LARS2: variants seen among roughly 807,000 people sequenced by gnomAD.
LARS2 encodes the protein leucine--tRNA ligase, mitochondrial.
In LARS2, 81 loss-of-function variants were observed where a neutral mutation model predicts 116.6. The ratio of observed to expected loss-of-function variants is 0.69; its 90% CI spans 0.58 to 0.84. The LOEUF is 0.84. Ranked by LOEUF, LARS2 falls within the 40% of genes least tolerant of loss-of-function variation. The probability of loss-of-function intolerance (pLI) is 0.00; values close to 1 mark genes in which losing one functional copy is unlikely to be tolerated. For missense variants in LARS2, 968 were observed against 1,114.5 expected (o/e 0.87, Z 1.87); for synonymous variants, 396 against 407.2 (o/e 0.97, Z 0.33).
At chr3:45,487,516 C>T (rs1455940372) in intron 11 of LARS2, among the ~76,000 whole-genome samples, 1 of 152,182 alleles carries the variant, frequency 6.6e-6, no homozygotes, top group Non-Finnish European at 1.5e-5. Flanking sequence ...TCAGTTTTCA[C>T]ACAATGTGTT....
intron 19 of LARS2, among the ~76,000 whole-genome samples, chr3:45,521,381 G>A (rs1559496260): frequency 6.6e-6 from 1 of 152,232 alleles, no homozygotes; most frequent in Non-Finnish European, 1.5e-5. Context: ...TCGGGAAGCT[G>A]AGGCGAGAGG....
intron 10 of LARS2, among the ~76,000 whole-genome samples, chr3:45,478,797 A>C (rs775324129): frequency 3.3e-4 from 50 of 152,210 alleles, no homozygotes; most frequent in Non-Finnish European, 5.7e-4. Flanking sequence ...TAATTTGCAC[A>C]TCACGTCCCT....
intron 7 of LARS2, among the ~76,000 whole-genome samples, chr3:45,450,680 A>G (rs1397967923): frequency 6.6e-6 from 1 of 152,274 alleles, no homozygotes; most frequent in Non-Finnish European, 1.5e-5. Flanking sequence ...CAATAAGCAT[A>G]GAAGTGCAGA....
At chr3:45,389,592 G>A (rs2125668586) in intron 1 of LARS2, among the ~76,000 whole-genome samples, 1 of 152,336 alleles carries the variant, frequency 6.6e-6, no homozygotes, top group East Asian at 1.9e-4. Flanking sequence ...ATTGAGGTCA[G>A]GGTTGATTCT....
chr3:45,484,479 G>C (rs1428923695), intron 10 of LARS2, among the ~76,000 whole-genome samples: 5 of 149,058 alleles, frequency 3.4e-5, no homozygotes, highest in Non-Finnish European at 7.4e-5. Flanking sequence ...AGATGATACA[G>C]TGTTAGCTGG....
intron 4 of LARS2, among the ~76,000 whole-genome samples, chr3:45,402,192 G>A (rs1487341931): frequency 1.3e-5 from 2 of 152,150 alleles, no homozygotes; most frequent in Non-Finnish European, 2.9e-5. Flanking sequence ...CCATTGGCCT[G>A]TTAAAAGGAT....
intron 4 of LARS2, among the ~76,000 whole-genome samples, chr3:45,409,925 A>G (rs763043411): frequency 3.3e-5 from 5 of 152,248 alleles, no homozygotes; most frequent in Non-Finnish European, 1.5e-5. Context: ...TGGACAGCTT[A>G]GATAACATGT....
chr3:45,478,090 C>A (rs939354617), intron 10 of LARS2, among the ~76,000 whole-genome samples: 10 of 152,150 alleles, frequency 6.6e-5, no homozygotes, highest in Non-Finnish European at 1.2e-4. Context: ...AGTTTCACCT[C>A]TTTGCAATAT....
intron 4 of LARS2, 99 bp from the exon 5 acceptor site, chr3:45,417,383 G>T (rs1163546633): frequency 1.2e-6 from 1 of 869,012 alleles, no homozygotes. Flanking sequence ...AAAAGATAAG[G>T]CATGTTAGCA....
intron 6 of LARS2, among the ~76,000 whole-genome samples, chr3:45,432,521 T>A (rs1229633205): frequency 1.3e-5 from 2 of 152,030 alleles, no homozygotes; most frequent in Non-Finnish European, 2.9e-5. Flanking sequence ...TTTGTGTAAT[T>A]AAACAACACG....
intron 3 of LARS2, among the ~76,000 whole-genome samples, chr3:45,398,618 C>T (rs925075693): frequency 6.6e-6 from 1 of 152,186 alleles, no homozygotes; most frequent in Admixed American, 6.5e-5. Context: ...TCTCTCCAGC[C>T]CCTCCACCCT....
At chr3:45,467,616 C>T (rs1184270539) in intron 8 of LARS2, among the ~76,000 whole-genome samples, 4 of 152,134 alleles carry the variant, frequency 2.6e-5, no homozygotes, top group African/African-American at 7.2e-5. Flanking sequence ...TTGTAAGATA[C>T]CACTGATTGT....
intron 19 of LARS2, among the ~76,000 whole-genome samples, chr3:45,521,611 T>C (rs1380238841): frequency 6.6e-6 from 1 of 152,116 alleles, no homozygotes; most frequent in African/African-American, 2.4e-5. Flanking sequence ...CATATTAATA[T>C]GAAAATACCT....
chr3:45,400,471 G>A, intron 4 of LARS2, 98 bp downstream of exon 4: 1 of 1,211,374 alleles, frequency 8.3e-7, no homozygotes. Flanking sequence ...ACCAACTTTA[G>A]TTAAGATTAG....
At chr3:45,481,088 G>T (rs1360561828) in intron 10 of LARS2, among the ~76,000 whole-genome samples, 1 of 152,062 alleles carries the variant, frequency 6.6e-6, no homozygotes, top group Non-Finnish European at 1.5e-5. Context: ...TCACTAATCT[G>T]CCATCTGTCT....
intron 8 of LARS2, 50 bp from the exon 9 acceptor site, chr3:45,474,193 T>G (rs1390027596): frequency 8.1e-7 from 1 of 1,231,578 alleles, no homozygotes; most frequent in Non-Finnish European, 1.2e-6. Context: ...TTGCTTTTTC[T>G]TAAATAAGCC....
chr3:45,489,567 T>A (rs1210434821), intron 12 of LARS2, among the ~76,000 whole-genome samples: 3 of 152,080 alleles, frequency 2.0e-5, no homozygotes, highest in Non-Finnish European at 4.4e-5. Context: ...AATCAAGGGC[T>A]TAGAACCTTG....
At chr3:45,396,641 AT>A (rs1241726922) in intron 3 of LARS2, among the ~76,000 whole-genome samples, 2 of 152,240 alleles carry the variant, frequency 1.3e-5, no homozygotes, top group African/African-American at 4.8e-5. Context: ...CATTTAAAAA[AT>A]AATTTGCATT....
At chr3:45,391,776 T>C (rs1219331268) in intron 2 of LARS2, 128 bp downstream of exon 2, 1 of 152,248 alleles carries the variant, frequency 6.6e-6, no homozygotes. Flanking sequence ...CAGGATTCTC[T>C]AGTTCACTGG....
Sources: allele counts gnomAD v4.1 joint callset (sites outside exome capture counted in the v4.1 genomes callset), GRCh38; gene constraint gnomAD v4.1.1; transcripts MANE v1.5; gene names NCBI Gene and HGNC (gene_info 2026-07-23, HGNC 2026-07-21).